Variants in B3GAT2 observed in about 807,000 individuals in gnomAD.
B3GAT2 encodes galactosylgalactosylxylosylprotein 3-beta-glucuronosyltransferase 2.
A neutral mutation model predicts 27.8 loss-of-function variants in B3GAT2; 26 were observed. The observed-to-expected ratio is 0.93, with a 90% CI of 0.68 to 1.30. The LOEUF (loss-of-function observed/expected upper bound fraction) is 1.30. B3GAT2 is among the 50% of genes most tolerant of loss of function. B3GAT2 has a pLI of 0.00. For missense variants in B3GAT2, 458 were observed against 459.0 expected, an observed-to-expected ratio of 1.00 and a Z score of 0.02; for synonymous variants, 218 against 195.1, an observed-to-expected ratio of 1.12 and a Z score of -0.98.
intron 1 of B3GAT2, among the ~76,000 whole-genome samples, chr6:70,902,487 T>C (rs926717861): frequency 1.1e-4 from 17 of 151,980 alleles, no homozygotes; most frequent in African/African-American, 4.1e-4. Context: ...TTATTGAACA[T>C]ATATATCCAA....
At position 70,858,458 on chromosome 6, in the gene B3GAT2, T is replaced by C. The variant is rs1771542138; in HGVS notation, c.*3205A>G. On this transcript the variant is annotated 3_prime_UTR_variant, in exon 4 of 4. Transcript: ENST00000230053. Reference sequence around the variant, plus strand: ...TTAGAGTATTCTGTAAAAAAAAGGTTAAACATCTTTCATTTCAAATTGTAA... The same window carrying C: ...TTAGAGTATTCTGTAAAAAAAAGGTCAAACATCTTTCATTTCAAATTGTAA... 2 of 393,964 alleles carry C rather than the reference T, an allele frequency of 5.1e-6. No individual in the cohort carries two copies. The highest frequency in any genetic ancestry group is 4.6e-5 in the South Asian group (1 of 21,738). 24.4% of individuals were successfully genotyped at this position (393,964 alleles called of 1,614,324 possible).
intron 2 of B3GAT2, among the ~76,000 whole-genome samples, chr6:70,881,062 T>A (rs183376401): frequency 1.3e-5 from 2 of 152,298 alleles, no homozygotes; most frequent in African/African-American, 4.8e-5. Flanking sequence ...CCACTGACAT[T>A]TCTATTTCTT....
At chr6:70,891,872 T>C (rs1772294509) in intron 2 of B3GAT2, among the ~76,000 whole-genome samples, 1 of 152,050 alleles carries the variant, frequency 6.6e-6, no homozygotes, top group Admixed American at 6.5e-5. Context: ...AATAAATGAA[T>C]TGTATGTGGA....
At chr6:70,921,085 C>G (rs537730009) in intron 1 of B3GAT2, among the ~76,000 whole-genome samples, 1 of 152,262 alleles carries the variant, frequency 6.6e-6, no homozygotes, top group African/African-American at 2.4e-5. Context: ...GTTGGAGAAT[C>G]TGATGCCTAC....
intron 1 of B3GAT2, among the ~76,000 whole-genome samples, chr6:70,905,510 A>G (rs1230162603): frequency 6.6e-6 from 1 of 152,264 alleles, no homozygotes; most frequent in Non-Finnish European, 1.5e-5. Flanking sequence ...TAGCATGTCT[A>G]ATGTACTCCG....
At chr6:70,906,641 T>C (rs920275850) in intron 1 of B3GAT2, among the ~76,000 whole-genome samples, 1 of 152,210 alleles carries the variant, frequency 6.6e-6, no homozygotes, top group Non-Finnish European at 1.5e-5. Flanking sequence ...CCCAGCCTTA[T>C]AGCAAGTTTT....
In B3GAT2 at chr6:70,861,573, A is replaced by C. The variant is rs375949827; in HGVS notation, c.*90T>G. On this transcript the variant is annotated 3_prime_UTR_variant, in exon 4 of 4. Coordinates refer to ENST00000230053, the MANE Select transcript of B3GAT2 (RefSeq NM_080742.3). ...GCTGCTGTACTGAAGTAAAACAAACAATACCTGAATGCTCTGTAGCCTAAA... is the reference window on the plus strand; with the variant it reads ...GCTGCTGTACTGAAGTAAAACAAACCATACCTGAATGCTCTGTAGCCTAAA... The C allele has an allele frequency of 8.3e-7, 1 of 1,203,406 alleles. No homozygotes were observed. 74.5% of individuals were successfully genotyped at this position (1,203,406 alleles called of 1,614,324 possible).
chr6:70,856,791 T>G lies in B3GAT2; in HGVS notation c.*4872A>C. 1.4e-6 allele frequency: 2 copies of G among 1,438,554 alleles called. No homozygotes were observed. Among genetic ancestry groups the G allele is most frequent in the Non-Finnish European group, 1.9e-6 (2 of 1,074,776 alleles). 89.1% of individuals were successfully genotyped at this position (1,438,554 alleles called of 1,614,324 possible). On this transcript the variant is annotated 3_prime_UTR_variant, in exon 4 of 4. Transcript: ENST00000230053. ...ATCTAATTTTATAACTTTATTTGGA[T>G]TTTAAGTAATGGATAAGCTGCGCTT...
At chr6:70,898,426 C>T (rs1416667516) in intron 1 of B3GAT2, among the ~76,000 whole-genome samples, 3 of 152,160 alleles carry the variant, frequency 2.0e-5, no homozygotes, top group Non-Finnish European at 4.4e-5. Flanking sequence ...CTTCAGACTC[C>T]TCTTTCCTGA....
intron 1 of B3GAT2, among the ~76,000 whole-genome samples, chr6:70,949,975 G>A (rs1765552952): frequency 6.8e-6 from 1 of 147,766 alleles, no homozygotes; most frequent in African/African-American, 2.5e-5. Context: ...AACACCACAT[G>A]TTCTCACTCA....
chr6:70,947,369 A>G (rs917263972), intron 1 of B3GAT2, among the ~76,000 whole-genome samples: 2 of 152,194 alleles, frequency 1.3e-5, no homozygotes, highest in African/African-American at 4.8e-5. Flanking sequence ...AGAAAAATCA[A>G]ATAGACACAA....
At chr6:70,888,019 C>T in intron 2 of B3GAT2, among the ~76,000 whole-genome samples, 1 of 152,208 alleles carries the variant, frequency 6.6e-6, no homozygotes, top group Non-Finnish European at 1.5e-5. Context: ...GAGCTATGAG[C>T]AAGGGACTGC....
In B3GAT2 at chr6:70,861,837, C is replaced by CAGTT; in HGVS notation, c.874_877dup (p.Cys293Ter). 6 of 1,614,034 alleles carry CAGTT rather than the reference C, an allele frequency of 3.7e-6. No individual in the cohort carries two copies. The highest frequency in any genetic ancestry group is 5.1e-6 in the Non-Finnish European group (6 of 1,179,974). ...CACAAGTGTAATGAATACCTTAGTG[C>CAGTT]AGTTATTTGCTTTCGGTTCCAGTTC... On this transcript the variant is annotated stop_gained and frameshift_variant, in exon 3 of 4. Transcript: ENST00000230053. LOFTEE classifies it high-confidence loss of function.
At chr6:70,919,615 C>T (rs1244338964) in intron 1 of B3GAT2, among the ~76,000 whole-genome samples, 1 of 152,138 alleles carries the variant, frequency 6.6e-6, no homozygotes, top group African/African-American at 2.4e-5. Context: ...GATGTTGATG[C>T]TATTCCTCTT....
At chr6:70,905,630 C>T (rs2150036620) in intron 1 of B3GAT2, among the ~76,000 whole-genome samples, 1 of 152,254 alleles carries the variant, frequency 6.6e-6, no homozygotes, top group South Asian at 2.1e-4. Context: ...TGTTGCTCGC[C>T]TCTGTGGCAG....
chr6:70,957,047 C>T lies in B3GAT2; in HGVS notation c.-618G>A. 1.0e-6 allele frequency: 1 copy of T among 986,558 alleles called. No homozygotes were observed. The highest frequency in any genetic ancestry group is 1.2e-6 in the Non-Finnish European group (1 of 830,862). 61.1% of individuals were successfully genotyped at this position (986,558 alleles called of 1,614,324 possible). On this transcript the variant is annotated 5_prime_UTR_variant, in exon 1 of 4. Coordinates refer to ENST00000230053, the MANE Select transcript of B3GAT2 (RefSeq NM_080742.3). ...TTGCTCTTGTCTTCTCAGAACCTCT[C>T]CGGATCCAGCAGCAAGATCCCAAAG...
At chr6:70,926,675 G>A (rs553470854) in intron 1 of B3GAT2, among the ~76,000 whole-genome samples, 53 of 152,338 alleles carry the variant, frequency 3.5e-4, no homozygotes, top group Admixed American at 1.9e-3. Context: ...ATGGGACTAT[G>A]TGAAAAGACC....
In B3GAT2 at chr6:70,947,470, A is replaced by G. The variant is rs542010043; in HGVS notation, c.591+8369T>C. 2.2e-4 allele frequency among the ~76,000 whole-genome samples: 34 copies of G among 152,280 alleles called. No homozygotes were observed. In the East Asian group the frequency reaches 4.3e-3, roughly 19 times the overall value. ...ACAAACACCTCTACGCAAATAAACT[A>G]GAAAATCTAGAAGAAATGGATAAAT... On this transcript the variant is annotated intron_variant, in intron 1 of 3. Coordinates refer to ENST00000230053, the MANE Select transcript of B3GAT2 (RefSeq NM_080742.3).
intron 2 of B3GAT2, among the ~76,000 whole-genome samples, chr6:70,875,483 A>G (rs1772000964): frequency 6.6e-6 from 1 of 152,200 alleles, no homozygotes; most frequent in Non-Finnish European, 1.5e-5. Flanking sequence ...GTGTTCCTTT[A>G]TAATTTTCAT....
Sources: allele counts gnomAD v4.1 joint callset (sites outside exome capture counted in the v4.1 genomes callset), GRCh38; gene constraint gnomAD v4.1.1; transcripts MANE v1.5; gene names NCBI Gene and HGNC (gene_info 2026-07-23, HGNC 2026-07-21).